NDRG3: variants seen among roughly 807,000 people sequenced by gnomAD.
NDRG3 encodes the protein protein NDRG3.
In NDRG3, 23 loss-of-function variants were observed where a neutral mutation model predicts 57.2. That is an observed-to-expected ratio of 0.40 (90% CI 0.29 to 0.57). The LOEUF is 0.57. Among genes scored for constraint, NDRG3 ranks in the 20% least tolerant of loss-of-function variants. NDRG3 has a pLI of 0.42. For synonymous variants in NDRG3, 132 were observed against 162.6 expected, an observed-to-expected ratio of 0.81 and a Z score of 1.43; for missense variants, 384 against 457.3, an observed-to-expected ratio of 0.84 and a Z score of 1.46.
intron 5 of NDRG3, among the ~76,000 whole-genome samples, chr20:36,686,052 A>T (rs1201664328): frequency 6.6e-6 from 1 of 152,200 alleles, no homozygotes; most frequent in African/African-American, 2.4e-5. Flanking sequence ...GATGGAATTG[A>T]TCCTAAGATG....
At chr20:36,655,846 A>G (rs949663740) in intron 15 of NDRG3, among the ~76,000 whole-genome samples, 1 of 152,142 alleles carries the variant, frequency 6.6e-6, no homozygotes, top group Admixed American at 6.5e-5. Flanking sequence ...TTAGATTAAG[A>G]ATATATAGGT....
chr20:36,687,449 C>G, intron 5 of NDRG3, 43 bp downstream of exon 5: 2 of 1,601,980 alleles, frequency 1.2e-6, no homozygotes, highest in Non-Finnish European at 1.7e-6. Context: ...GCCAGTTGCT[C>G]TACTGAGTGC....
chr20:36,714,263 G>A (rs1984085719), intron 2 of NDRG3, among the ~76,000 whole-genome samples: 1 of 151,394 alleles, frequency 6.6e-6, no homozygotes, highest in African/African-American at 2.4e-5. Context: ...AAATTAGCAG[G>A]GCGTGGTGGT....
chr20:36,664,948 C>T, intron 12 of NDRG3, 98 bp downstream of exon 12: 1 of 1,248,816 alleles, frequency 8.0e-7, no homozygotes, highest in Non-Finnish European at 1.2e-6. Context: ...CTCAGCCTCT[C>T]AAAGTGTTGG....
At chr20:36,666,496 T>A in intron 9 of NDRG3, 104 bp from the exon 10 acceptor site, 1 of 779,370 alleles carries the variant, frequency 1.3e-6, no homozygotes. Context: ...GTGCGGCTCA[T>A]GATGGGAACT....
Position 36,660,366 on chromosome 20 carries a change from G to C in NDRG3, c.829C>G (p.Leu277Val). The change falls in exon 13 of 16, where the codon CTG becomes GTG. Residue 277 changes from leucine (L) to valine (V), a missense_variant. Physicochemically the swap from Leu to Val is conservative, Grantham distance 32 (BLOSUM62 1). Transcript: ENST00000349004. ...VEAVVECNSR[L>V]NPINTTLLKM... ...AGCAAAGTTGTATTTATAGGGTTCA[G>C]GCGGGAATTGCATTCGACCTAAAAT... 6.2e-7 allele frequency: 1 copy of C among 1,608,996 alleles called. No individual in the cohort carries two copies. Among genetic ancestry groups the C allele is most frequent in the African/African-American group, 1.3e-5 (1 of 74,776 alleles).
chr20:36,689,061 G>A (rs940792616), intron 3 of NDRG3, among the ~76,000 whole-genome samples: 1 of 152,134 alleles, frequency 6.6e-6, no homozygotes, highest in Non-Finnish European at 1.5e-5. Context: ...AGGCATGGTG[G>A]CACACGCACA....
At chr20:36,705,437 AATT>A (rs1242861441) in intron 3 of NDRG3, among the ~76,000 whole-genome samples, 1 of 152,188 alleles carries the variant, frequency 6.6e-6, no homozygotes, top group Non-Finnish European at 1.5e-5. Context: ...TAGGTACTCA[AATT>A]ATTATAACTG....
intron 3 of NDRG3, among the ~76,000 whole-genome samples, chr20:36,694,337 CTTTAG>C (rs1382573448): frequency 6.6e-6 from 1 of 152,168 alleles, no homozygotes; most frequent in Admixed American, 6.5e-5. Flanking sequence ...CCACTGTTTA[CTTTAG>C]TTAAAGTGTG....
chr20:36,715,360 AAC>A (rs1440672534), intron 2 of NDRG3, among the ~76,000 whole-genome samples: 2 of 151,810 alleles, frequency 1.3e-5, no homozygotes, highest in African/African-American at 4.8e-5. Context: ...CACTTCTGAC[AAC>A]AGATGTAACC....
chr20:36,660,624 G>C (rs980814474), intron 12 of NDRG3, among the ~76,000 whole-genome samples: 2 of 151,062 alleles, frequency 1.3e-5, no homozygotes, highest in African/African-American at 2.4e-5. Context: ...GCAGTGGCGC[G>C]ATCTCGGCTC....
intron 3 of NDRG3, among the ~76,000 whole-genome samples, chr20:36,706,536 A>T (rs1983557631): frequency 6.6e-6 from 1 of 152,062 alleles, no homozygotes; most frequent in South Asian, 2.1e-4. Context: ...ATGGAGTCTT[A>T]CTCTATGACC....
At chr20:36,725,238 A>C (rs1984852458) in intron 1 of NDRG3, among the ~76,000 whole-genome samples, 1 of 152,096 alleles carries the variant, frequency 6.6e-6, no homozygotes. Context: ...TGGAGGTTGC[A>C]GTAAGCTGAG....
At chr20:36,722,988 G>C (rs185747525) in intron 1 of NDRG3, among the ~76,000 whole-genome samples, 240 of 152,324 alleles carry the variant, frequency 1.6e-3, no homozygotes, top group East Asian at 0.011. Flanking sequence ...CATGTGGAGA[G>C]GAACCAACTT....
Position 36,653,397 on chromosome 20 carries a change from G to C in NDRG3, c.*123C>G, listed in dbSNP as rs775564168. On this transcript the variant is annotated 3_prime_UTR_variant, in exon 16 of 16. Transcript: ENST00000349004. This position sits in a 1 kb window ranked among gnomAD's most constrained non-coding sequence, Gnocchi z 4.2. ...AGAATGATAAATCCAGGCTACTAGA[G>C]AGAGGTTCAGTGGCCATGCATGAGT... 1.2e-4 allele frequency: 94 copies of C among 815,744 alleles called. No individual in the cohort carries two copies. The highest frequency in any genetic ancestry group is 1.7e-4 in the Non-Finnish European group (88 of 523,784). The allele number at this position is 815,744 out of a possible 1,614,324, so 50.5% of individuals were successfully genotyped here. A position where few individuals can be genotyped will look rare whatever the true frequency, so the allele number is the denominator to read the frequency against.
At chr20:36,660,730 T>C (rs1027811711) in intron 12 of NDRG3, among the ~76,000 whole-genome samples, 5 of 151,902 alleles carry the variant, frequency 3.3e-5, no homozygotes, top group African/African-American at 1.2e-4. Flanking sequence ...CCGGCTAATT[T>C]TGTGTATTTT....
In NDRG3 at chr20:36,712,587, A is replaced by ATTTTTTTTTT. The variant is rs71186015; in HGVS notation, c.58-5590_58-5581dup. ...TATATATATATATATATATATATAT[A>ATTTTTTTTTT]TTTTTTTTTTTTTTTTTTTTTTTTT... On this transcript the variant is annotated intron_variant, in intron 2 of 15. Transcript: ENST00000349004. Among the ~76,000 whole-genome samples the ATTTTTTTTTT allele has an allele frequency of 3.7e-3, 22 of 5,912 alleles. 6 individuals are homozygous for ATTTTTTTTTT. The highest frequency in any genetic ancestry group is 7.7e-3 in the African/African-American group (14 of 1,820). 3.9% of individuals were successfully genotyped at this position (5,912 alleles called of 152,430 possible). A position where few individuals can be genotyped will look rare whatever the true frequency, so the allele number is the denominator to read the frequency against.
intron 3 of NDRG3, among the ~76,000 whole-genome samples, chr20:36,705,063 T>A (rs1983461995): frequency 6.6e-6 from 1 of 152,070 alleles, no homozygotes; most frequent in Non-Finnish European, 1.5e-5. Flanking sequence ...CTCATGCCTG[T>A]AATCCCAGCA....
rs143718004 is a variant in NDRG3, at chr20:36,660,356, A to G, written c.839T>C (p.Ile280Thr). 8.1e-6 allele frequency: 13 copies of G among 1,608,994 alleles called. No homozygotes were observed. Among genetic ancestry groups the G allele is most frequent in the Non-Finnish European group, 1.1e-5 (13 of 1,176,722 alleles). Residue 280 changes from isoleucine (I) to threonine (T), a missense_variant, in exon 13 of 16, where the codon ATA becomes ACA. Coordinates refer to ENST00000349004, the MANE Select transcript of NDRG3 (RefSeq NM_032013.4). ...CATTACCTTTAGCAAAGTTGTATTT[A>G]TAGGGTTCAGGCGGGAATTGCATTC... is the stretch of plus-strand genomic sequence containing the variant. ...VVECNSRLNP[I>T]NTTLLKMADC...
Sources: allele counts gnomAD v4.1 joint callset (sites outside exome capture counted in the v4.1 genomes callset), GRCh38; gene constraint gnomAD v4.1.1; non-coding constraint Gnocchi (gnomAD v3.1); transcripts MANE v1.5; gene names NCBI Gene and HGNC (gene_info 2026-07-23, HGNC 2026-07-21).